MYH4: variants seen among roughly 807,000 people sequenced by gnomAD.
MYH4 encodes the protein myosin heavy chain 4.
In MYH4, 200 loss-of-function variants were observed where a neutral mutation model predicts 229.9. The observed-to-expected ratio is 0.87, with a 90% CI of 0.78 to 0.98. The LOEUF is 0.98. MYH4 is among the 50% of genes least tolerant of loss of function. MYH4 has a pLI of 0.00. For missense variants in MYH4, 2,148 were observed against 2,332.6 expected (o/e 0.92, Z 1.63); for synonymous variants, 761 against 834.6 (o/e 0.91, Z 1.52).
rs200791457 is a variant in MYH4 at position 10,466,382 on chromosome 17, A to T, written c.239T>A (p.Met80Lys). The stretch of plus-strand genomic sequence containing the variant: ...GATCTTGTCATATTTGGGAGGGTTC[A>T]TGGAGAAGACTTGGTCTTCTTTCAC... ...VTVKEDQVFS[M>K]NPPKYDKIED... is the part of the protein sequence containing the mutation. The change falls in exon 4 of 40, where the codon ATG (methionine) becomes AAG (lysine). Residue 80 changes from methionine (M) to lysine (K), a missense_variant. By Grantham distance (95) the Met-to-Lys change is moderately conservative. Coordinates refer to ENST00000255381, the MANE Select transcript of MYH4 (RefSeq NM_017533.2). 3.1e-6 allele frequency: 5 copies of T among 1,614,184 alleles called. No homozygotes were observed. In the East Asian group the frequency reaches 1.1e-4, roughly 36 times the overall value.
In MYH4 at chr17:10,464,698, G is replaced by T. The variant is rs754041471; in HGVS notation, c.516C>A (p.Asn172Lys). 10 of 1,613,446 alleles carry T rather than the reference G, an allele frequency of 6.2e-6. No homozygotes were observed. Among genetic ancestry groups the T allele is most frequent in the African/African-American group, 5.3e-5 (4 of 74,900 alleles). Residue 172 changes from asparagine (N) to lysine (K), a missense_variant, in exon 6 of 40, where the codon AAC becomes AAA. Physicochemically the swap from Asn to Lys is moderately conservative, Grantham distance 94. Coordinates refer to ENST00000255381, the MANE Select transcript of MYH4 (RefSeq NM_017533.2). ...AYQFMLTDRE[N>K]QSILITGESG... ...CTACATACGTAATCAAGATTGACTG[G>T]TTTTCACGATCTGTAAAAGAGAAGC...
At chr17:10,463,313 C>T in intron 9 of MYH4, 25 bp downstream of exon 9, 1 of 1,585,792 alleles carries the variant, frequency 6.3e-7, no homozygotes, top group African/African-American at 1.4e-5. Context: ...AAAAGATTCT[C>T]AATCACTAAT....
chr17:10,449,076 A>G (rs1394044297), intron 30 of MYH4, 29 bp from the exon 31 acceptor site: 1 of 1,607,714 alleles, frequency 6.2e-7, no homozygotes, highest in Non-Finnish European at 8.5e-7. Flanking sequence ...TGAGTGACCA[A>G]GAGCAGACTC....
chr17:10,456,698 C>G (rs1344950309), intron 16 of MYH4, 143 bp from the exon 17 acceptor site: 1 of 647,774 alleles, frequency 1.5e-6, no homozygotes, highest in Admixed American at 2.7e-5. Flanking sequence ...CCATATCTCT[C>G]CTCCCTCAAT....
chr17:10,454,524 A>T (rs1390033302), intron 22 of MYH4, 31 bp downstream of exon 22: 1 of 1,600,676 alleles, frequency 6.2e-7, no homozygotes, highest in Admixed American at 1.7e-5. Context: ...AAGTAATAAG[A>T]TGTGGCTGAA....
chr17:10,460,462 G>A (rs1366517199), intron 12 of MYH4, 141 bp from the exon 13 acceptor site: 13 of 689,988 alleles, frequency 1.9e-5, no homozygotes, highest in Non-Finnish European at 3.1e-5. Flanking sequence ...TGTTCATATT[G>A]CCTCAAAAGC....
intron 24 of MYH4, 82 bp downstream of exon 24, chr17:10,453,070 A>C: frequency 6.2e-7 from 1 of 1,601,224 alleles, no homozygotes; most frequent in Non-Finnish European, 8.5e-7. Context: ...CAAGCGTTAA[A>C]GGCTTATGAC....
chr17:10,459,913 G>A, intron 14 of MYH4, 39 bp downstream of exon 14: 2 of 1,613,446 alleles, frequency 1.2e-6, no homozygotes, highest in South Asian at 2.2e-5. Context: ...CTAACAAGAG[G>A]ATTTGCACTG....
chr17:10,463,366 G>T lies in MYH4; in HGVS notation c.777C>A (p.Gly259=). Residue 259 remains glycine, a synonymous_variant, in exon 9 of 40, where the codon GGC becomes GGA. Transcript: ENST00000255381. ...TTTCAATATCTGCAGAAGCCAGTTTGCCTGTGGCACCAAAATGGATCCTGA... is the reference window on the plus strand; with the variant it reads ...TTTCAATATCTGCAGAAGCCAGTTTTCCTGTGGCACCAAAATGGATCCTGA... ...KFIRIHFGAT[G]KLASADIETY... is the part of the protein sequence containing the mutation. 6.2e-7 allele frequency: 1 copy of T among 1,612,934 alleles called. No individual in the cohort carries two copies. Among genetic ancestry groups the T allele is most frequent in the South Asian group, 1.1e-5 (1 of 90,646 alleles).
chr17:10,452,810 C>T lies in MYH4; in HGVS notation c.3234G>A (p.Gln1078=), dbSNP rs758036855. 1 of 1,606,152 alleles carries T rather than the reference C, an allele frequency of 6.2e-7. No homozygotes were observed. Among genetic ancestry groups the T allele is most frequent in the African/African-American group, 1.3e-5 (1 of 74,308 alleles). The change falls in exon 25 of 40, where the codon CAG becomes CAA. Residue 1078 remains glutamine, a synonymous_variant. Coordinates refer to ENST00000255381, the MANE Select transcript of MYH4 (RefSeq NM_017533.2). ...ACTTTTTGAGTTTCTCATTAAGTTG[C>T]TGTTTGTCATTTTCTGTATCCATTG... is the stretch of plus-strand genomic sequence containing the variant. ...ESTMDTENDK[Q]QLNEKLKKKE... is the part of the protein sequence containing the mutation.
chr17:10,452,081 GCTT>G lies in MYH4; in HGVS notation c.3595_3597del (p.Lys1199del). On this transcript the variant is annotated inframe_deletion, in exon 27 of 40. Transcript: ENST00000255381. ...CCAAGCTCAGCCACACTATCTGCGT[GCTT>G]CTTCCGAAGAGCAGCTGCCGTGGCT... The G allele has an allele frequency of 6.2e-7, 1 of 1,613,980 alleles. No homozygotes were observed.
In MYH4 at chr17:10,457,515, T is replaced by A. The variant is rs1371659782; in HGVS notation, c.1802A>T (p.Lys601Met). Residue 601 changes from lysine (K) to methionine (M), a missense_variant, in exon 16 of 40, where the codon AAG becomes ATG. Coordinates refer to ENST00000255381, the MANE Select transcript of MYH4 (RefSeq NM_017533.2). ...YNIAGWLDKN[K>M]DPLNETVVGL... ...CACCACAGTCTCATTCAGGGGGTCCTTGTTTTTGTCCAGCCAGCCGGCGAT... is the reference window on the plus strand; with the variant it reads ...CACCACAGTCTCATTCAGGGGGTCCATGTTTTTGTCCAGCCAGCCGGCGAT... 6.2e-7 allele frequency: 1 copy of A among 1,614,224 alleles called. No individual in the cohort carries two copies. Among genetic ancestry groups the A allele is most frequent in the Non-Finnish European group, 8.5e-7 (1 of 1,180,036 alleles).
In MYH4 at chr17:10,443,558, GAAA is replaced by G; in HGVS notation, c.5668-34_5668-32del. On this transcript the variant is annotated intron_variant, in intron 39 of 39. Transcript: ENST00000255381. This position sits in a 1 kb window ranked among gnomAD's most constrained non-coding sequence, Gnocchi z 4.6. ...AACAGAGATGCATTTGAGATAACAA[GAAA>G]ATTGGACATTTCCTGATTGTTATTG... 6.3e-7 allele frequency: 1 copy of G among 1,588,690 alleles called. No homozygotes were observed. The highest frequency in any genetic ancestry group is 2.2e-5 in the East Asian group (1 of 44,474).
chr17:10,444,603 C>T lies in MYH4; in HGVS notation c.5667+1G>A. 6.2e-7 allele frequency: 1 copy of T among 1,612,816 alleles called. No homozygotes were observed. Among genetic ancestry groups the T allele is most frequent in the Non-Finnish European group, 8.5e-7 (1 of 1,179,034 alleles). Reference sequence around the variant, plus strand: ...TTCATTTCCACTGTGGAGATACTCACAGCCTCTTCAGCTTGTCTCTTGTAA... The same window carrying T: ...TTCATTTCCACTGTGGAGATACTCATAGCCTCTTCAGCTTGTCTCTTGTAA... On this transcript the variant is annotated splice_donor_variant, in intron 39 of 39. Transcript: ENST00000255381. LOFTEE classifies it high-confidence loss of function.
At position 10,465,432 on chromosome 17, in the gene MYH4, T is replaced by A. The variant is rs921868570; in HGVS notation, c.505+10A>T. The A allele has an allele frequency of 2.5e-6, 4 of 1,613,174 alleles. No homozygotes were observed. The highest frequency in any genetic ancestry group is 3.4e-6 in the Non-Finnish European group (4 of 1,179,854). ...TACAAATGGCTATGGAAATTGTAATTCTCACTCACCAGTTAGCATGAACTG... is the reference window on the plus strand; with the variant it reads ...TACAAATGGCTATGGAAATTGTAATACTCACTCACCAGTTAGCATGAACTG... On this transcript the variant is annotated intron_variant, in intron 5 of 39. Transcript: ENST00000255381.
chr17:10,459,918 G>A, intron 14 of MYH4, 34 bp downstream of exon 14: 1 of 1,613,542 alleles, frequency 6.2e-7, no homozygotes, highest in Non-Finnish European at 8.5e-7. Context: ...AAGAGGATTT[G>A]CACTGGCTAA....
In MYH4 at chr17:10,455,041, C is replaced by T. The variant is rs776140827; in HGVS notation, c.2335G>A (p.Glu779Lys). 2 of 1,613,996 alleles carry T rather than the reference C, an allele frequency of 1.2e-6. No individual in the cohort carries two copies. Among genetic ancestry groups the T allele is most frequent in the Admixed American group, 1.7e-5 (1 of 59,996 alleles). The change falls in exon 21 of 40, where the codon GAA becomes AAA. Residue 779 changes from glutamate to lysine, a missense_variant. Coordinates refer to ENST00000255381, the MANE Select transcript of MYH4 (RefSeq NM_017533.2). ...FKAGLLGTLE[E>K]MRDEKLAQLI... Reference sequence around the variant, plus strand: ...TGAGCTAGCTTTTCATCTCGCATTTCCTCTAGAGTTCCCAGCAGGCCAGCT... The same window carrying T: ...TGAGCTAGCTTTTCATCTCGCATTTTCTCTAGAGTTCCCAGCAGGCCAGCT...
Position 10,455,260 on chromosome 17 carries a change from C to G in MYH4, c.2210G>C (p.Gly737Ala). The change falls in exon 20 of 40, where the codon GGT (glycine) becomes GCT (alanine). Residue 737 changes from glycine (G) to alanine (A), a missense_variant. Coordinates refer to ENST00000255381, the MANE Select transcript of MYH4 (RefSeq NM_017533.2). ...KVLNASAIPE[G>A]QFIDSKKASE... ...AGCCTTCTTGCTGTCAATGAACTGA[C>G]CCTCTGGGATAGCACTCGCATTTAG... 2 of 1,613,856 alleles carry G rather than the reference C, an allele frequency of 1.2e-6. No homozygotes were observed. Among genetic ancestry groups the G allele is most frequent in the Non-Finnish European group, 1.7e-6 (2 of 1,179,872 alleles).
At chr17:10,460,866 G>A in intron 12 of MYH4, 50 bp downstream of exon 12, 1 of 1,605,344 alleles carries the variant, frequency 6.2e-7, no homozygotes, top group African/African-American at 1.3e-5. Context: ...CCTCTGAAAA[G>A]TTCACTATGT....
Sources: gnomAD v4.1 joint callset for allele counts on GRCh38, gnomAD v4.1.1 for gene constraint, Gnocchi (gnomAD v3.1) non-coding constraint, MANE v1.5 for transcripts, NCBI Gene and HGNC (gene_info 2026-07-23, HGNC 2026-07-21) for gene names.